The following NME7 variants were observed in gnomAD, a reference collection of about 807,000 sequenced individuals.
NME7 encodes NME/NM23 family member 7.
Under a neutral mutation model 49.1 loss-of-function variants are expected in NME7, and 41 were observed. The observed-to-expected ratio is 0.83, with a 90% confidence interval of 0.65 to 1.08. NME7 has a LOEUF of 1.08. NME7 is among the 50% of genes least tolerant of loss of function. The pLI, the probability that NME7 is intolerant of heterozygous loss-of-function variation, is 0.00. For missense variants in NME7, 423 were observed against 463.4 expected (o/e 0.91, Z 0.80); for synonymous variants, 139 against 150.6 (o/e 0.92, Z 0.56).
intron 11 of NME7, among the ~76,000 whole-genome samples, chr1:169,159,413 A>G (rs1055775135): frequency 3.3e-5 from 5 of 152,154 alleles, no homozygotes; most frequent in African/African-American, 1.2e-4. Context: ...TCTCATTTTT[A>G]AAGATGATTT....
At chr1:169,340,359 T>C (rs1158125915) in intron 1 of NME7, among the ~76,000 whole-genome samples, 1 of 152,218 alleles carries the variant, frequency 6.6e-6, no homozygotes, top group East Asian at 1.9e-4. Flanking sequence ...GCCATGATTG[T>C]TAACTTTCCT....
chr1:169,244,224 T>C (rs1648211009), intron 7 of NME7, among the ~76,000 whole-genome samples: 3 of 152,196 alleles, frequency 2.0e-5, no homozygotes, highest in Non-Finnish European at 4.4e-5. Flanking sequence ...TAAGATTTCT[T>C]TCCTTCTTAC....
At chr1:169,187,010 G>A (rs566070470) in intron 10 of NME7, among the ~76,000 whole-genome samples, 2 of 152,072 alleles carry the variant, frequency 1.3e-5, no homozygotes, top group African/African-American at 4.8e-5. Context: ...CCTTAATTTT[G>A]TTATTTACCC....
chr1:169,227,528 A>G (rs1303908854), intron 10 of NME7, among the ~76,000 whole-genome samples: 2 of 152,222 alleles, frequency 1.3e-5, no homozygotes, highest in Non-Finnish European at 2.9e-5. Context: ...GAAATAACTA[A>G]GTTCTGAAGG....
intron 4 of NME7, 150 bp downstream of exon 4, chr1:169,309,819 TC>T: frequency 1.9e-6 from 1 of 539,746 alleles, no homozygotes; most frequent in East Asian, 3.3e-5. Flanking sequence ...CTAGATGAAC[TC>T]CTGTCAGTTC....
At chr1:169,346,941 G>A (rs1652971161) in intron 1 of NME7, among the ~76,000 whole-genome samples, 1 of 152,166 alleles carries the variant, frequency 6.6e-6, no homozygotes, top group South Asian at 2.1e-4. Context: ...AGACACTGGG[G>A]ATATTCAAGA....
chr1:169,236,148 T>C (rs1489956544), intron 8 of NME7, among the ~76,000 whole-genome samples: 2 of 152,154 alleles, frequency 1.3e-5, no homozygotes, highest in African/African-American at 2.4e-5. Flanking sequence ...CATTCACATA[T>C]GTTTTGCTAA....
chr1:169,345,513 G>A (rs1215481101), intron 1 of NME7, among the ~76,000 whole-genome samples: 1 of 152,052 alleles, frequency 6.6e-6, no homozygotes, highest in Non-Finnish European at 1.5e-5. Flanking sequence ...TTACATGAGT[G>A]AACCATCACA....
intron 7 of NME7, among the ~76,000 whole-genome samples, chr1:169,270,642 T>C (rs1049720065): frequency 7.5e-6 from 1 of 133,914 alleles, no homozygotes; most frequent in African/African-American, 2.5e-5. Context: ...GCAGTAGTAG[T>C]AGTAATAGAG....
intron 11 of NME7, among the ~76,000 whole-genome samples, chr1:169,142,044 T>C (rs1342992758): frequency 3.3e-5 from 5 of 152,198 alleles, no homozygotes; most frequent in African/African-American, 1.2e-4. Flanking sequence ...AGTCATGAAG[T>C]TGGTAGGAGG....
At chr1:169,153,865 ATT>A (rs34219745) in intron 11 of NME7, among the ~76,000 whole-genome samples, 6,259 of 145,706 alleles carry the variant, frequency 0.043, 207 homozygotes, top group East Asian at 0.14. Context: ...TGCTCGGCTA[ATT>A]TTTTTTTTTT....
intron 1 of NME7, among the ~76,000 whole-genome samples, chr1:169,350,196 G>GAAGGAAAGA (rs945159166): frequency 4.3e-5 from 6 of 138,610 alleles, no homozygotes; most frequent in African/African-American, 1.8e-4. Flanking sequence ...GGAAGGAAAG[G>GAAGGAAAGA]AAGGAAAGAA....
intron 10 of NME7, among the ~76,000 whole-genome samples, chr1:169,190,171 T>C (rs191520581): frequency 6.6e-6 from 1 of 152,166 alleles, no homozygotes; most frequent in Non-Finnish European, 1.5e-5. Context: ...ATAAGTCTGG[T>C]CTCTGCAACA....
At chr1:169,215,998 G>A (rs896731278) in intron 10 of NME7, among the ~76,000 whole-genome samples, 11 of 152,248 alleles carry the variant, frequency 7.2e-5, no homozygotes, top group Middle Eastern at 6.8e-3. Flanking sequence ...TCAGGTATAA[G>A]ATAAAAAAGT....
chr1:169,266,910 A>G (rs1297691998), intron 7 of NME7, among the ~76,000 whole-genome samples: 1 of 132,208 alleles, frequency 7.6e-6, no homozygotes, highest in East Asian at 2.0e-4. Context: ...TCTATTAATA[A>G]TATAAAAATT....
chr1:169,214,048 C>T (rs908916407), intron 10 of NME7, among the ~76,000 whole-genome samples: 4 of 152,142 alleles, frequency 2.6e-5, no homozygotes, highest in African/African-American at 7.2e-5. Context: ...GTTAATTATA[C>T]TGATCTTGGA....
intron 7 of NME7, among the ~76,000 whole-genome samples, chr1:169,244,033 A>T (rs1648203714): frequency 6.6e-6 from 1 of 151,998 alleles, no homozygotes; most frequent in African/African-American, 2.4e-5. Flanking sequence ...CAATTAAATA[A>T]TTTATGTATA....
chr1:169,220,988 T>A (rs1354353021), intron 10 of NME7, among the ~76,000 whole-genome samples: 1 of 152,220 alleles, frequency 6.6e-6, no homozygotes, highest in African/African-American at 2.4e-5. Context: ...CATTTTCTCA[T>A]CAATAGAGTG....
intron 1 of NME7, among the ~76,000 whole-genome samples, chr1:169,333,822 G>A (rs151057616): frequency 1.3e-5 from 2 of 151,982 alleles, no homozygotes; most frequent in South Asian, 2.1e-4. Context: ...GTGTTTGCTC[G>A]ATTTCTAGAA....
Sources: gnomAD v4.1 joint callset for allele counts (sites outside exome capture counted in the v4.1 genomes callset) on GRCh38, gnomAD v4.1.1 for gene constraint, MANE v1.5 for transcripts, NCBI Gene and HGNC (gene_info 2026-07-23, HGNC 2026-07-21) for gene names.